Variants in FAM135B observed in about 807,000 individuals in gnomAD.
FAM135B encodes protein FAM135B.
A neutral mutation model predicts 127.7 loss-of-function variants in FAM135B; 43 were observed. The observed-to-expected ratio is 0.34, with a 90% CI of 0.26 to 0.43. FAM135B has a LOEUF of 0.43. Among genes scored for constraint, FAM135B ranks in the 20% least tolerant of loss-of-function variants. The probability of loss-of-function intolerance (pLI) is 1.00; values close to 1 mark genes in which losing one functional copy is unlikely to be tolerated. For synonymous variants in FAM135B, 670 were observed against 665.1 expected (o/e 1.01, Z -0.11); for missense variants, 1,558 against 1,725.6 (o/e 0.90, Z 1.72).
At chr8:138,373,402 TCTTTA>T (rs753961818) in intron 1 of FAM135B, among the ~76,000 whole-genome samples, 5 of 151,262 alleles carry the variant, frequency 3.3e-5, no homozygotes, top group Admixed American at 6.6e-5. Flanking sequence ...CCTATGCCTG[TCTTTA>T]CTTTAATCTC....
intron 1 of FAM135B, chr8:138,425,447 G>A (rs1406404838): frequency 6.6e-6 from 1 of 152,184 alleles, no homozygotes; most frequent in Non-Finnish European, 1.5e-5. Context: ...AATAAGATGC[G>A]GTTGCGAAGG....
rs73720107 is a variant in FAM135B at position 138,340,796 on chromosome 8, G to A, written c.77+27111C>T. Among the ~76,000 whole-genome samples, 551 of 152,140 alleles carry A rather than the reference G, an allele frequency of 3.6e-3. 4 individuals carry two copies. Among genetic ancestry groups the A allele is most frequent in the African/African-American group, 0.013 (533 of 41,512 alleles). ...TGTACCTCAACTCTCTCTGTGCCTC[G>A]TGCATCCACTCATCCTTGAAGGGCT... On this transcript the variant is annotated intron_variant, in intron 2 of 19. Transcript: ENST00000395297.
At chr8:138,155,684 C>CA (rs1818661745) in intron 12 of FAM135B, among the ~76,000 whole-genome samples, 1 of 151,860 alleles carries the variant, frequency 6.6e-6, no homozygotes, top group Non-Finnish European at 1.5e-5. Context: ...CAACAAAGAC[C>CA]AAAAAAGACA....
rs140439934 is a variant in FAM135B at position 138,151,849 on chromosome 8, T to C, written c.2626A>G (p.Lys876Glu). Residue 876 changes from lysine to glutamate, a missense_variant, in exon 13 of 20, where the codon AAA becomes GAA. Lys to Glu is a moderately conservative substitution (Grantham distance 56). Around this residue, in one of 5 missense-constraint regions of FAM135B, gnomAD observed 923 missense variants for 865.3 expected, o/e 1.07. Coordinates refer to ENST00000395297, the MANE Select transcript of FAM135B (RefSeq NM_015912.4). Reference protein sequence around the residue: ...RTENTPGVETKGLNLKIPRVI... With the variant: ...RTENTPGVETEGLNLKIPRVI... ...CGTGGTATTTTTAAATTAAGACCTT[T>C]GGTTTCAACACCTGGAGTGTTCTCA... 182 of 1,614,208 alleles carry C rather than the reference T, an allele frequency of 1.1e-4. No homozygotes were observed. The African/African-American group carries it at 2.0e-3, about 18-fold the overall frequency.
At chr8:138,235,495 A>G (rs1820204510) in intron 7 of FAM135B, among the ~76,000 whole-genome samples, 1 of 152,220 alleles carries the variant, frequency 6.6e-6, no homozygotes, top group Non-Finnish European at 1.5e-5. Flanking sequence ...ATCCTCATGA[A>G]AAGAATATGA....
At position 138,497,229 on chromosome 8, in the gene FAM135B, G is replaced by T. The variant is rs976193528; in HGVS notation, c.-578C>A. ...CTCCCGCTGGCTCCGCTCCGCAGCC[G>T]CTGCGCACCGCGTGGGTAGACGCTG... On this transcript the variant is annotated 5_prime_UTR_variant, in exon 1 of 20. Coordinates refer to ENST00000395297, the MANE Select transcript of FAM135B (RefSeq NM_015912.4). 2.0e-5 allele frequency among the ~76,000 whole-genome samples: 3 copies of T among 150,696 alleles called. No individual in the cohort carries two copies. The highest frequency in any genetic ancestry group is 7.3e-5 in the African/African-American group (3 of 41,258).
At position 138,279,576 on chromosome 8, in the gene FAM135B, AT is replaced by A. The variant is rs1824101818; in HGVS notation, c.158-13735del. Among the ~76,000 whole-genome samples the A allele has an allele frequency of 1.1e-4, 16 of 152,358 alleles. 1 individual carries two copies. The highest frequency in any genetic ancestry group is 1.0e-3 in the Admixed American group (16 of 15,304). On this transcript the variant is annotated intron_variant, in intron 3 of 19. Transcript: ENST00000395297. ...GTTCAGGCTTTCCATGCACTTGCAAATCATTTATCCTTTCTGAGAATAATTA... is the reference window on the plus strand; with the variant it reads ...GTTCAGGCTTTCCATGCACTTGCAAACATTTATCCTTTCTGAGAATAATTA...
intron 7 of FAM135B, among the ~76,000 whole-genome samples, chr8:138,227,714 CTTTTT>C (rs761660500): frequency 6.0e-4 from 49 of 81,826 alleles, no homozygotes; most frequent in African/African-American, 2.0e-3. Context: ...TTTTGTCTCT[CTTTTT>C]TTTTTTTTTT....
chr8:138,132,441 A>C lies in FAM135B; in HGVS notation c.*152T>G. The C allele has an allele frequency of 1.5e-6, 1 of 661,672 alleles. No homozygotes were observed. Among genetic ancestry groups the C allele is most frequent in the Non-Finnish European group, 2.6e-6 (1 of 377,910 alleles). The allele number at this position is 661,672 out of a possible 1,614,324, so 41.0% of individuals were successfully genotyped here. On this transcript the variant is annotated 3_prime_UTR_variant, in exon 20 of 20. Transcript: ENST00000395297. The surrounding 1 kb of genome is among the most constrained non-coding windows in gnomAD (Gnocchi z 4.5). ...CTCAGCTTTCTCGAATCTCCAAAAC[A>C]AAAGCACCTCTCATGTCAGGTTCCA...
intron 9 of FAM135B, among the ~76,000 whole-genome samples, chr8:138,191,646 G>A (rs1213086825): frequency 6.6e-6 from 1 of 152,122 alleles, no homozygotes; most frequent in Non-Finnish European, 1.5e-5. Context: ...CTGGGGGCTT[G>A]GGAAATGTTT....
intron 1 of FAM135B, among the ~76,000 whole-genome samples, chr8:138,465,396 G>T (rs1273421127): frequency 2.0e-5 from 3 of 152,120 alleles, no homozygotes; most frequent in South Asian, 4.1e-4. Flanking sequence ...AGGTCACTTT[G>T]TCCTAAGATC....
chr8:138,216,060 C>G (rs1348971468), intron 7 of FAM135B, among the ~76,000 whole-genome samples: 1 of 152,110 alleles, frequency 6.6e-6, no homozygotes, highest in Non-Finnish European at 1.5e-5. Context: ...AGTGTACATG[C>G]TACTACACCT....
intron 1 of FAM135B, among the ~76,000 whole-genome samples, chr8:138,390,726 T>C (rs1832520984): frequency 6.6e-6 from 1 of 152,144 alleles, no homozygotes; most frequent in Admixed American, 6.6e-5. Context: ...TCACTGATAT[T>C]CTAGTGTACA....
intron 9 of FAM135B, among the ~76,000 whole-genome samples, chr8:138,187,446 A>G (rs1174995601): frequency 6.6e-6 from 1 of 152,198 alleles, no homozygotes; most frequent in East Asian, 1.9e-4. Flanking sequence ...CATCTACACA[A>G]CAAGGCCACC....
intron 3 of FAM135B, among the ~76,000 whole-genome samples, chr8:138,310,382 T>C (rs997735235): frequency 1.3e-5 from 2 of 152,164 alleles, no homozygotes; most frequent in East Asian, 1.9e-4. Context: ...AGGATCTGAG[T>C]TGTCCTTGGC....
intron 1 of FAM135B, among the ~76,000 whole-genome samples, chr8:138,427,109 T>C (rs1463118121): frequency 2.6e-5 from 4 of 151,894 alleles, no homozygotes; most frequent in Non-Finnish European, 5.9e-5. Context: ...AACTAACCTA[T>C]GGTGTTATAA....
At chr8:138,385,958 T>C (rs1170581043) in intron 1 of FAM135B, among the ~76,000 whole-genome samples, 1 of 152,158 alleles carries the variant, frequency 6.6e-6, no homozygotes, top group Non-Finnish European at 1.5e-5. Context: ...ACGTGGCTCA[T>C]GCCTGTAATT....
chr8:138,341,406 G>T (rs4410912), intron 2 of FAM135B, among the ~76,000 whole-genome samples: 60,722 of 151,978 alleles, frequency 0.4, 12,559 homozygotes, highest in East Asian at 0.65. Context: ...TGCCAGGGCA[G>T]GGAGAAAGGC....
intron 1 of FAM135B, among the ~76,000 whole-genome samples, chr8:138,386,224 CAAAAAA>C (rs71274860): frequency 7.1e-6 from 1 of 141,612 alleles, no homozygotes. Context: ...CTCAAAAAAA[CAAAAAA>C]AAAAACAAAA....
Sources: gnomAD v4.1 joint callset for allele counts (sites outside exome capture counted in the v4.1 genomes callset) on GRCh38, gnomAD v4.1.1 for gene constraint, gnomAD v4.1.1 regional missense constraint, Gnocchi (gnomAD v3.1) non-coding constraint, MANE v1.5 for transcripts, NCBI Gene and HGNC (gene_info 2026-07-23, HGNC 2026-07-21) for gene names.